The following CNBD1 variants were observed in gnomAD, a reference collection of about 807,000 sequenced individuals.
The protein encoded by CNBD1 is cyclic nucleotide-binding domain-containing protein 1.
In CNBD1, 71 loss-of-function variants were observed where a neutral mutation model predicts 54.4. The ratio of observed to expected loss-of-function variants is 1.30; its 90% CI spans 1.08 to 1.59. CNBD1 has a LOEUF of 1.59. CNBD1 is among the 40% of genes most tolerant of loss of function. The pLI is 0.00. For synonymous variants in CNBD1, 182 were observed against 170.7 expected (o/e 1.07, Z -0.51); for missense variants, 659 against 518.0 (o/e 1.27, Z -2.64).
intron 6 of CNBD1, among the ~76,000 whole-genome samples, chr8:87,255,497 C>A (rs372984753): frequency 6.6e-6 from 1 of 151,666 alleles, no homozygotes; most frequent in African/African-American, 2.4e-5. Context: ...CATATACCTG[C>A]CATTTAATAT....
At chr8:87,014,794 TA>T (rs200638035) in intron 4 of CNBD1, among the ~76,000 whole-genome samples, 8,555 of 140,984 alleles carry the variant, frequency 0.061, 706 homozygotes, top group African/African-American at 0.2. Flanking sequence ...TAAAACAAGG[TA>T]AAAAAAAAAA....
At chr8:86,935,043 T>A (rs541557861) in intron 3 of CNBD1, among the ~76,000 whole-genome samples, 14 of 144,050 alleles carry the variant, frequency 9.7e-5, no homozygotes, top group Non-Finnish European at 1.4e-4. Flanking sequence ...ATTTATTTAT[T>A]TATTTATTTT....
At chr8:87,110,142 C>T (rs1351859940) in intron 4 of CNBD1, among the ~76,000 whole-genome samples, 1 of 152,122 alleles carries the variant, frequency 6.6e-6, no homozygotes, top group African/African-American at 2.4e-5. Flanking sequence ...TCACAGTTGT[C>T]CTCAGGGGCA....
chr8:87,354,184 G>A (rs548775688), intron 10 of CNBD1, among the ~76,000 whole-genome samples: 3 of 152,082 alleles, frequency 2.0e-5, no homozygotes, highest in Non-Finnish European at 2.9e-5. Context: ...GAAAATGGGA[G>A]CCTTGTCTCA....
chr8:87,003,494 C>T (rs1809034145), intron 4 of CNBD1, among the ~76,000 whole-genome samples: 1 of 152,196 alleles, frequency 6.6e-6, no homozygotes, highest in Non-Finnish European at 1.5e-5. Context: ...TTACCCTTGG[C>T]ATGTTACTTA....
intron 3 of CNBD1, among the ~76,000 whole-genome samples, chr8:86,923,048 CCAGGTCCT>C (rs1402341836): frequency 6.6e-6 from 1 of 152,128 alleles, no homozygotes; most frequent in East Asian, 1.9e-4. Context: ...AGTGAGTTCT[CCAGGTCCT>C]TGGCGTTTTT....
intron 2 of CNBD1, among the ~76,000 whole-genome samples, chr8:87,409,285 C>T (rs1309426219): frequency 6.6e-6 from 1 of 152,074 alleles, no homozygotes; most frequent in Non-Finnish European, 1.5e-5. Flanking sequence ...ATCAAATAAG[C>T]CACAACACTC....
At chr8:87,187,545 T>C (rs1250204634) in intron 4 of CNBD1, among the ~76,000 whole-genome samples, 1 of 151,774 alleles carries the variant, frequency 6.6e-6, no homozygotes, top group African/African-American at 2.4e-5. Flanking sequence ...CATAACAGAT[T>C]ATTTTGGACT....
At chr8:87,346,539 C>T (rs1280712569) in intron 8 of CNBD1, among the ~76,000 whole-genome samples, 1 of 151,844 alleles carries the variant, frequency 6.6e-6, no homozygotes, top group East Asian at 1.9e-4. Flanking sequence ...ATTGTGATGT[C>T]TCTATCTATG....
rs924275346 is a variant in CNBD1, at chr8:87,182,549, G to T, written c.432-23444G>T. Among the ~76,000 whole-genome samples, 2 of 151,900 alleles carry T rather than the reference G, an allele frequency of 1.3e-5. No homozygotes were observed. The highest frequency in any genetic ancestry group is 4.8e-5 in the African/African-American group (2 of 41,346). On this transcript the variant is annotated intron_variant, in intron 4 of 10. Transcript: ENST00000518476. This position sits in a 1 kb window ranked among gnomAD's most constrained non-coding sequence, Gnocchi z 4.1. ...TTCCCTTTTCTCCACAACCTTTCCA[G>T]CATTTGTTATTTTTTGACTTTTTAA...
chr8:87,284,619 T>A lies in CNBD1; in HGVS notation c.772-59T>A. ...CTTGACCTACAATCCAATCCTTCAC[T>A]GGCATTTTCATGTTGATGAGTGGTA... On this transcript the variant is annotated intron_variant, in intron 6 of 10. Coordinates refer to ENST00000518476, the MANE Select transcript of CNBD1 (RefSeq NM_173538.3). The A allele has an allele frequency of 2.7e-6, 4 of 1,455,406 alleles. No homozygotes were observed. The South Asian group carries it at 5.2e-5, about 19-fold the overall frequency. The allele number at this position is 1,455,406 out of a possible 1,614,324, so 90.2% of individuals were successfully genotyped here.
chr8:87,124,309 G>C (rs1811950422), intron 4 of CNBD1, among the ~76,000 whole-genome samples: 1 of 151,594 alleles, frequency 6.6e-6, no homozygotes, highest in Admixed American at 6.6e-5. Flanking sequence ...CCAGACATAT[G>C]TTAGGTTGCA....
At chr8:87,423,558 G>T (rs974529092) in intron 2 of CNBD1, among the ~76,000 whole-genome samples, 1 of 150,234 alleles carries the variant, frequency 6.7e-6, no homozygotes, top group Non-Finnish European at 1.5e-5. Context: ...CTTTGGCTCT[G>T]TTTATATGCT....
At chr8:87,407,437 G>A (rs1048609920) in intron 2 of CNBD1, among the ~76,000 whole-genome samples, 1 of 151,964 alleles carries the variant, frequency 6.6e-6, no homozygotes, top group Non-Finnish European at 1.5e-5. Context: ...TGTCTATTAT[G>A]AATAAATACT....
intron 4 of CNBD1, among the ~76,000 whole-genome samples, chr8:87,003,316 T>A (rs1234666000): frequency 6.6e-6 from 1 of 152,238 alleles, no homozygotes; most frequent in Admixed American, 6.5e-5. Context: ...GACAGAATGA[T>A]TCCTGATTTT....
chr8:87,074,641 C>A (rs1161312002), intron 4 of CNBD1, among the ~76,000 whole-genome samples: 1 of 152,116 alleles, frequency 6.6e-6, no homozygotes, highest in African/African-American at 2.4e-5. Context: ...TGGGTGAGGT[C>A]ACACAATCAC....
In CNBD1 at chr8:87,377,141, T is replaced by C. The variant is rs1810963278; in HGVS notation, c.1304-5479T>C. On this transcript the variant is annotated intron_variant, in intron 10 of 10. Transcript: ENST00000518476. ...TTTGTAATTTTATTTTATTTATTTT[T>C]TTATGATTATTATTTATATTATTAT... Among the ~76,000 whole-genome samples the C allele has an allele frequency of 2.0e-5, 3 of 149,862 alleles. No homozygotes were observed. In the South Asian group the frequency reaches 6.3e-4, roughly 31 times the overall value.
intron 2 of CNBD1, among the ~76,000 whole-genome samples, chr8:87,392,809 C>A (rs757498874): frequency 5.9e-5 from 9 of 151,852 alleles, no homozygotes; most frequent in Admixed American, 4.6e-4. Context: ...CTGTGTTGTA[C>A]GTGACTTATA....
chr8:86,964,094 C>G (rs1218183747), intron 4 of CNBD1, among the ~76,000 whole-genome samples: 2 of 1,930 alleles, frequency 1.0e-3, no homozygotes, highest in Non-Finnish European at 2.0e-3. Flanking sequence ...CAGAGGTCCT[C>G]TATAGTACTC....
Sources: allele counts gnomAD v4.1 joint callset (sites outside exome capture counted in the v4.1 genomes callset), GRCh38; gene constraint gnomAD v4.1.1; non-coding constraint Gnocchi (gnomAD v3.1); transcripts MANE v1.5; gene names NCBI Gene and HGNC (gene_info 2026-07-23, HGNC 2026-07-21).